Variants in TMEM272 observed in about 807,000 individuals in gnomAD.
TMEM272 encodes transmembrane protein 272, also known as long intergenic non-protein coding RNA 282.
A neutral mutation model predicts 3.7 loss-of-function variants in TMEM272; 8 were observed. The observed-to-expected ratio is 2.17, with a 90% CI of 1.27 to 3.91. TMEM272 has a LOEUF of 3.91. TMEM272 is among the 30% of genes most tolerant of loss of function. The pLI is 0.00. For missense variants in TMEM272, 166 were observed against 91.5 expected (o/e 1.81, Z -3.32); for synonymous variants, 63 against 39.8 (o/e 1.58, Z -2.20).
At chr13:51,910,667 C>T in the TMEM272 span, 10 of 465,128 alleles carry the variant, frequency 2.1e-5, no homozygotes, top group Non-Finnish European at 2.9e-5. Flanking sequence ...CATGGCCTGT[C>T]GAGGCCACAA....
chr13:51,855,762 A>C, the TMEM272 span, among the ~76,000 whole-genome samples: 1 of 152,198 alleles, frequency 6.6e-6, no homozygotes, highest in Non-Finnish European at 1.5e-5. Context: ...AAAGAGCATA[A>C]AAATGTTAAT....
At chr13:51,856,460 G>A in the TMEM272 span, among the ~76,000 whole-genome samples, 1 of 152,160 alleles carries the variant, frequency 6.6e-6, no homozygotes, top group Non-Finnish European at 1.5e-5. Flanking sequence ...TCCCCAACAG[G>A]GAAGGGATTT....
At chr13:51,839,155 G>T (rs192874097) in intron 1 of TMEM272, among the ~76,000 whole-genome samples, 1 of 152,092 alleles carries the variant, frequency 6.6e-6, no homozygotes, top group African/African-American at 2.4e-5. Context: ...AGACCCGAGC[G>T]GCCTGGAGCA....
At chr13:51,843,359 C>T (rs1189207239) in intron 1 of TMEM272, among the ~76,000 whole-genome samples, 1 of 152,212 alleles carries the variant, frequency 6.6e-6, no homozygotes, top group Non-Finnish European at 1.5e-5. Context: ...GACCTATTCA[C>T]TATTATGGTG....
the TMEM272 span, among the ~76,000 whole-genome samples, chr13:51,874,204 T>C: frequency 2.0e-5 from 3 of 152,220 alleles, no homozygotes; most frequent in African/African-American, 7.2e-5. Context: ...TTTGGAGCAT[T>C]CCAGAACTAT....
the TMEM272 span, among the ~76,000 whole-genome samples, chr13:51,896,953 G>C: frequency 6.6e-6 from 1 of 152,204 alleles, no homozygotes; most frequent in South Asian, 2.1e-4. Context: ...ACAGGAGTTA[G>C]TCTGCCGCAG....
At chr13:51,908,888 C>A in the TMEM272 span, 8 of 1,418,160 alleles carry the variant, frequency 5.6e-6, no homozygotes, top group Admixed American at 1.3e-4. Flanking sequence ...GATCAGTAAA[C>A]CTATCACAGC....
At chr13:51,848,900 T>C (rs1334386777), upstream of TMEM272, among the ~76,000 whole-genome samples, 2 of 152,190 alleles carry the variant, frequency 1.3e-5, no homozygotes, top group Non-Finnish European at 2.9e-5. Context: ...CCTAATTCTT[T>C]TCATGCTTTC....
the TMEM272 span, among the ~76,000 whole-genome samples, chr13:51,885,329 A>G: frequency 6.6e-6 from 1 of 152,224 alleles, no homozygotes; most frequent in Non-Finnish European, 1.5e-5. Flanking sequence ...ATTGACTCAC[A>G]GTTCCGCATG....
chr13:51,863,672 G>GACACACAC, the TMEM272 span, among the ~76,000 whole-genome samples: 2,823 of 134,356 alleles, frequency 0.021, 83 homozygotes, highest in African/African-American at 0.068. Flanking sequence ...CGCGCACACA[G>GACACACAC]ACACACACAC....
At chr13:51,847,924 C>T (rs1956314247), upstream of TMEM272, among the ~76,000 whole-genome samples, 2 of 152,224 alleles carry the variant, frequency 1.3e-5, no homozygotes, top group South Asian at 4.1e-4. Flanking sequence ...TGCAGCAAAA[C>T]ATCAAAGAAT....
chr13:51,865,275 A>T, the TMEM272 span: 2 of 902,162 alleles, frequency 2.2e-6, no homozygotes, highest in Non-Finnish European at 3.4e-6. Flanking sequence ...TACAGAACCA[A>T]GGGCCGTCCC....
the TMEM272 span, among the ~76,000 whole-genome samples, chr13:51,894,107 A>G: frequency 6.6e-6 from 1 of 152,222 alleles, no homozygotes; most frequent in African/African-American, 2.4e-5. Flanking sequence ...TTGGGGAACA[A>G]GTTTGTAGTC....
At chr13:51,921,726 C>T in the TMEM272 span, 3 of 152,426 alleles carry the variant, frequency 2.0e-5, no homozygotes, top group African/African-American at 4.8e-5. Flanking sequence ...ATGGTCTGCT[C>T]TACCTTCAAG....
At chr13:51,835,268 G>A (rs1455106069) in intron 2 of TMEM272, among the ~76,000 whole-genome samples, 1 of 151,276 alleles carries the variant, frequency 6.6e-6, no homozygotes, top group Admixed American at 6.6e-5. Flanking sequence ...CTGTCACCAG[G>A]CTAGAGTGTG....
the TMEM272 span, chr13:51,908,626 T>C: frequency 2.7e-6 from 4 of 1,487,036 alleles, no homozygotes; most frequent in African/African-American, 5.5e-5. Context: ...TTACCAAGAT[T>C]ATCTTTGGTA....
At chr13:51,874,840 T>C in the TMEM272 span, among the ~76,000 whole-genome samples, 1 of 152,240 alleles carries the variant, frequency 6.6e-6, no homozygotes, top group South Asian at 2.1e-4. Flanking sequence ...CTGCGCTGTC[T>C]GTGCCTGCCT....
At chr13:51,879,383 T>C in the TMEM272 span, among the ~76,000 whole-genome samples, 146,445 of 152,188 alleles carry the variant, frequency 0.96, 70,476 homozygotes, top group East Asian at 1. Flanking sequence ...GAAAAAGTCT[T>C]AAGTAACAGT....
intron 3 of TMEM272, among the ~76,000 whole-genome samples, chr13:51,823,119 G>T (rs1354789048): frequency 1.3e-5 from 2 of 152,208 alleles, no homozygotes; most frequent in Admixed American, 6.5e-5. Context: ...TGTTGCCCAG[G>T]CTGGAGTGCA....
Sources: allele counts gnomAD v4.1 joint callset (sites outside exome capture counted in the v4.1 genomes callset), GRCh38; gene constraint gnomAD v4.1.1; transcripts MANE v1.5; gene names NCBI Gene and HGNC (gene_info 2026-07-23, HGNC 2026-07-21).